The following CLSTN2 variants were observed in gnomAD, a reference collection of about 807,000 sequenced individuals.
The protein encoded by CLSTN2 is calsyntenin-2.
Under a neutral mutation model 101.2 loss-of-function variants are expected in CLSTN2, and 48 were observed. That is an observed-to-expected ratio of 0.47 (90% CI 0.38 to 0.60). The LOEUF is 0.60. CLSTN2 is among the 20% of genes least tolerant of loss of function. CLSTN2 has a pLI of 0.00. For missense variants in CLSTN2, 1,160 were observed against 1,238.2 expected, an observed-to-expected ratio of 0.94 and a Z score of 0.95; for synonymous variants, 481 against 463.6, an observed-to-expected ratio of 1.04 and a Z score of -0.48.
intron 8 of CLSTN2, among the ~76,000 whole-genome samples, chr3:140,469,528 CCCAGGAAG>C (rs1185264075): frequency 6.6e-6 from 1 of 152,176 alleles, no homozygotes; most frequent in Non-Finnish European, 1.5e-5. Context: ...GGTCACCTCC[CCCAGGAAG>C]CCATCCTGGG....
chr3:140,307,481 A>C (rs560932514), intron 2 of CLSTN2, among the ~76,000 whole-genome samples: 2 of 152,214 alleles, frequency 1.3e-5, no homozygotes, highest in African/African-American at 2.4e-5. Flanking sequence ...AACAAAAAAA[A>C]GTTTGATCTA....
intron 1 of CLSTN2, among the ~76,000 whole-genome samples, chr3:140,028,378 T>C (rs1182636582): frequency 6.6e-6 from 1 of 152,080 alleles, no homozygotes; most frequent in African/African-American, 2.4e-5. Context: ...AAGTTGCCTG[T>C]CCCTTCACAG....
At chr3:140,025,901 T>G (rs1286441567) in intron 1 of CLSTN2, among the ~76,000 whole-genome samples, 4 of 152,266 alleles carry the variant, frequency 2.6e-5, no homozygotes, top group African/African-American at 9.6e-5. Context: ...GGCTGCGTGA[T>G]AGTGGGAACT....
intron 9 of CLSTN2, among the ~76,000 whole-genome samples, chr3:140,535,566 T>C (rs1349195185): frequency 6.6e-6 from 1 of 152,266 alleles, no homozygotes; most frequent in Non-Finnish European, 1.5e-5. Context: ...CTAGGACTGA[T>C]CTCCCTTAGA....
At chr3:140,465,007 G>A (rs1299242772) in intron 7 of CLSTN2, among the ~76,000 whole-genome samples, 1 of 152,184 alleles carries the variant, frequency 6.6e-6, no homozygotes, top group Non-Finnish European at 1.5e-5. Context: ...ATAAGTAACA[G>A]TTATGGAGCA....
chr3:139,969,086 T>C (rs1935650735), intron 1 of CLSTN2, among the ~76,000 whole-genome samples: 1 of 152,104 alleles, frequency 6.6e-6, no homozygotes, highest in Non-Finnish European at 1.5e-5. Flanking sequence ...TCACATGCAT[T>C]ATCTCATTTG....
At chr3:140,188,057 C>CT (rs1278050096) in intron 2 of CLSTN2, among the ~76,000 whole-genome samples, 1 of 152,156 alleles carries the variant, frequency 6.6e-6, no homozygotes, top group Non-Finnish European at 1.5e-5. Context: ...GTGTACTTGT[C>CT]TATTTGTGAG....
intron 1 of CLSTN2, among the ~76,000 whole-genome samples, chr3:139,982,465 GAATATT>G (rs1186402498): frequency 1.3e-5 from 2 of 152,056 alleles, no homozygotes; most frequent in African/African-American, 4.8e-5. Flanking sequence ...TGCTGTATGA[GAATATT>G]TAATAGCTGC....
At position 140,050,899 on chromosome 3, in the gene CLSTN2, A is replaced by G. The variant is rs182964857; in HGVS notation, c.109+115416A>G. On this transcript the variant is annotated intron_variant, in intron 1 of 16. Coordinates refer to ENST00000458420, the MANE Select transcript of CLSTN2 (RefSeq NM_022131.3). ...GAGTGGGTGCCTCCTTGCTATTTTT[A>G]TTGTTACTGTTGGGGTTTTGAAGGC... is the stretch of plus-strand genomic sequence containing the variant. Among the ~76,000 whole-genome samples the G allele has an allele frequency of 2.6e-5, 4 of 152,306 alleles. No individual in the cohort carries two copies. The East Asian group carries it at 5.8e-4, about 22-fold the overall frequency.
chr3:140,352,544 C>T (rs1233259859), intron 2 of CLSTN2, among the ~76,000 whole-genome samples: 4 of 152,152 alleles, frequency 2.6e-5, no homozygotes, highest in South Asian at 2.1e-4. Flanking sequence ...AGTAAATGTA[C>T]GTTACAGTAG....
intron 1 of CLSTN2, among the ~76,000 whole-genome samples, chr3:139,966,506 A>T (rs756130022): frequency 2.0e-5 from 3 of 151,868 alleles, no homozygotes; most frequent in Non-Finnish European, 4.4e-5. Flanking sequence ...CCTCCCACCC[A>T]ATTTGCCTGC....
intron 1 of CLSTN2, among the ~76,000 whole-genome samples, chr3:140,151,212 G>A (rs73868780): frequency 0.039 from 5,966 of 152,174 alleles, 260 homozygotes; most frequent in African/African-American, 0.11. Flanking sequence ...GTTTGCTTTT[G>A]AGCTTCTGCA....
At chr3:140,138,291 GAAC>G (rs1450687033) in intron 1 of CLSTN2, among the ~76,000 whole-genome samples, 1 of 152,196 alleles carries the variant, frequency 6.6e-6, no homozygotes, top group Non-Finnish European at 1.5e-5. Context: ...AGGGGGGGAA[GAAC>G]AACTTTGCTG....
intron 2 of CLSTN2, among the ~76,000 whole-genome samples, chr3:140,350,534 A>G (rs193224230): frequency 1.3e-5 from 2 of 152,294 alleles, no homozygotes. Flanking sequence ...ATACTAAATA[A>G]TGAGCATACC....
intron 8 of CLSTN2, among the ~76,000 whole-genome samples, chr3:140,513,468 A>G (rs894325472): frequency 1.3e-5 from 2 of 152,100 alleles, no homozygotes; most frequent in Admixed American, 1.3e-4. Flanking sequence ...CAAGTTTATC[A>G]TGGTGGATAA....
chr3:140,031,520 G>C (rs1038407104), intron 1 of CLSTN2, among the ~76,000 whole-genome samples: 29 of 152,298 alleles, frequency 1.9e-4, no homozygotes, highest in African/African-American at 7.0e-4. Flanking sequence ...AATTCTCGCT[G>C]TTTTGCTATC....
intron 2 of CLSTN2, among the ~76,000 whole-genome samples, chr3:140,353,401 C>A (rs2107944216): frequency 6.6e-6 from 1 of 152,238 alleles, no homozygotes; most frequent in East Asian, 1.9e-4. Context: ...AAGCATCCAG[C>A]ATGGGAGAAA....
At chr3:140,342,427 CTTCT>C (rs1054481472) in intron 2 of CLSTN2, among the ~76,000 whole-genome samples, 5 of 152,046 alleles carry the variant, frequency 3.3e-5, no homozygotes, top group African/African-American at 1.2e-4. Context: ...CATATCTGTA[CTTCT>C]TTCATATGCT....
intron 9 of CLSTN2, among the ~76,000 whole-genome samples, chr3:140,534,643 G>T (rs1486291804): frequency 1.3e-5 from 2 of 152,198 alleles, no homozygotes; most frequent in Non-Finnish European, 2.9e-5. Flanking sequence ...AAGAGGAAAA[G>T]AAAACATGGC....
Sources: allele counts gnomAD v4.1 joint callset (sites outside exome capture counted in the v4.1 genomes callset), GRCh38; gene constraint gnomAD v4.1.1; transcripts MANE v1.5; gene names NCBI Gene and HGNC (gene_info 2026-07-23, HGNC 2026-07-21).